Variants in ADIPOR2 observed in about 807,000 individuals in gnomAD.
The protein encoded by ADIPOR2 is adiponectin receptor 2.
ADIPOR2 carries 18 observed loss-of-function variants against 40.9 expected under a neutral mutation model. The observed-to-expected ratio is 0.44, with a 90% confidence interval of 0.30 to 0.65. ADIPOR2 has a LOEUF of 0.65. Ranked by LOEUF, ADIPOR2 falls within the 30% of genes least tolerant of loss-of-function variation. ADIPOR2 has a pLI of 0.09. For missense variants in ADIPOR2, 283 were observed against 479.2 expected (o/e 0.59, Z 3.82); for synonymous variants, 165 against 166.4 (o/e 0.99, Z 0.06).
chr12:1,758,465 A>G (rs547293256), intron 2 of ADIPOR2, among the ~76,000 whole-genome samples: 31 of 152,320 alleles, frequency 2.0e-4, no homozygotes, highest in African/African-American at 7.0e-4. Flanking sequence ...CAGTGAGGAA[A>G]TTGTGTTTTT....
chr12:1,766,527 G>A (rs561177710), intron 2 of ADIPOR2, among the ~76,000 whole-genome samples: 1 of 152,324 alleles, frequency 6.6e-6, no homozygotes, highest in East Asian at 1.9e-4. Context: ...TGTACTGGTT[G>A]AAATGATTAG....
chr12:1,773,768 C>A (rs1862534363), intron 3 of ADIPOR2, among the ~76,000 whole-genome samples: 1 of 152,070 alleles, frequency 6.6e-6, no homozygotes, highest in Non-Finnish European at 1.5e-5. Context: ...CTTTTCATGG[C>A]TTTTATGAAA....
At chr12:1,777,736 T>A in intron 3 of ADIPOR2, 118 bp from the exon 4 acceptor site, 2 of 987,398 alleles carry the variant, frequency 2.0e-6, no homozygotes, top group Non-Finnish European at 2.9e-6. Flanking sequence ...TTTGCCTTTT[T>A]AAAAATGAAT....
intron 1 of ADIPOR2, among the ~76,000 whole-genome samples, chr12:1,752,182 G>GC (rs1481573416): frequency 6.9e-6 from 1 of 145,418 alleles, no homozygotes; most frequent in Non-Finnish European, 1.5e-5. Context: ...GCCCGTCTCG[G>GC]CCCCCCAAAG....
At chr12:1,744,666 A>G (rs11061961) in intron 1 of ADIPOR2, among the ~76,000 whole-genome samples, 6,782 of 152,258 alleles carry the variant, frequency 0.045, 249 homozygotes, top group East Asian at 0.18. Context: ...GGTGCCTTAT[A>G]CTTTCTGGTA....
intron 1 of ADIPOR2, among the ~76,000 whole-genome samples, chr12:1,698,963 T>C (rs1388708648): frequency 6.6e-6 from 1 of 152,226 alleles, no homozygotes; most frequent in African/African-American, 2.4e-5. Flanking sequence ...TAGCATTCTT[T>C]TAAAGTTGAT....
intron 1 of ADIPOR2, among the ~76,000 whole-genome samples, chr12:1,733,013 A>G (rs1234324411): frequency 6.6e-6 from 1 of 152,208 alleles, no homozygotes; most frequent in Non-Finnish European, 1.5e-5. Context: ...GATATGCAGT[A>G]AAGTTTCACA....
chr12:1,781,201 C>A, intron 6 of ADIPOR2, 125 bp downstream of exon 6: 1 of 1,058,600 alleles, frequency 9.4e-7, no homozygotes, highest in Non-Finnish European at 1.3e-6. Context: ...ATGAAGAAAT[C>A]ATAGTTCCTA....
At chr12:1,729,985 G>A (rs151316906) in intron 1 of ADIPOR2, among the ~76,000 whole-genome samples, 1 of 152,110 alleles carries the variant, frequency 6.6e-6, no homozygotes, top group Non-Finnish European at 1.5e-5. Context: ...AAGAACGAAG[G>A]CATACCGGAA....
At chr12:1,728,122 T>G (rs953297193) in intron 1 of ADIPOR2, among the ~76,000 whole-genome samples, 1 of 151,792 alleles carries the variant, frequency 6.6e-6, no homozygotes, top group African/African-American at 2.4e-5. Context: ...TAGATTTTTT[T>G]TTTTTCTGAG....
At chr12:1,749,567 C>T (rs2094764489) in intron 1 of ADIPOR2, among the ~76,000 whole-genome samples, 1 of 152,194 alleles carries the variant, frequency 6.6e-6, no homozygotes, top group South Asian at 2.1e-4. Flanking sequence ...TGTTCTGTTA[C>T]TCTATGTGTG....
chr12:1,740,228 T>C (rs968516703), intron 1 of ADIPOR2, among the ~76,000 whole-genome samples: 1 of 152,272 alleles, frequency 6.6e-6, no homozygotes, highest in Non-Finnish European at 1.5e-5. Flanking sequence ...AGTGATGTGC[T>C]ATTCTATTGA....
intron 1 of ADIPOR2, among the ~76,000 whole-genome samples, chr12:1,718,164 A>T (rs1202684429): frequency 1.3e-5 from 2 of 152,178 alleles, no homozygotes. Flanking sequence ...GCTTAAAAAA[A>T]TTATCCTTCG....
At chr12:1,692,371 A>G (rs529419976) in intron 1 of ADIPOR2, among the ~76,000 whole-genome samples, 1 of 152,302 alleles carries the variant, frequency 6.6e-6, no homozygotes, top group African/African-American at 2.4e-5. Context: ...GTTCTGATAA[A>G]TTTGTTGTCA....
chr12:1,704,202 T>C (rs1371730808), intron 1 of ADIPOR2, among the ~76,000 whole-genome samples: 1 of 152,146 alleles, frequency 6.6e-6, no homozygotes, highest in African/African-American at 2.4e-5. Flanking sequence ...TCATGGTTTC[T>C]TGTTAAGCAC....
rs896998344 is a variant in ADIPOR2 at position 1,786,718 on chromosome 12, T to C, written c.*646T>C. 6.5e-6 allele frequency: 1 copy of C among 152,812 alleles called. No homozygotes were observed. Among genetic ancestry groups the C allele is most frequent in the African/African-American group, 2.4e-5 (1 of 41,562 alleles). The allele number at this position is 152,812 out of a possible 1,614,324, so 9.5% of individuals were successfully genotyped here. A position where few individuals can be genotyped will look rare whatever the true frequency, so the allele number is the denominator to read the frequency against. On this transcript the variant is annotated 3_prime_UTR_variant, in exon 8 of 8. Transcript: ENST00000357103. Reference sequence around the variant, plus strand: ...CAGGTGATAGCCCCGGAATGTACAGTGTCTTGGTGCACCAAGATGCCTTCT... The same window carrying C: ...CAGGTGATAGCCCCGGAATGTACAGCGTCTTGGTGCACCAAGATGCCTTCT...
chr12:1,788,523 C>T lies in ADIPOR2; in HGVS notation c.*2451C>T, dbSNP rs1862886296. The T allele has an allele frequency of 6.6e-6, 1 of 152,616 alleles. No individual in the cohort carries two copies. The highest frequency in any genetic ancestry group is 1.5e-5 in the Non-Finnish European group (1 of 68,038). 9.5% of individuals were successfully genotyped at this position (152,616 alleles called of 1,614,324 possible). A position where few individuals can be genotyped will look rare whatever the true frequency, so the allele number is the denominator to read the frequency against. Reference sequence around the variant, plus strand: ...GGCCTTTTTCAGTATTTTCCCTCTTCCCCTTTATAAATTATGCTAAAGCCA... The same window carrying T: ...GGCCTTTTTCAGTATTTTCCCTCTTTCCCTTTATAAATTATGCTAAAGCCA... On this transcript the variant is annotated 3_prime_UTR_variant, in exon 8 of 8. Coordinates refer to ENST00000357103, the MANE Select transcript of ADIPOR2 (RefSeq NM_024551.3).
intron 1 of ADIPOR2, among the ~76,000 whole-genome samples, chr12:1,703,868 C>T (rs990144346): frequency 6.6e-6 from 1 of 152,046 alleles, no homozygotes; most frequent in Non-Finnish European, 1.5e-5. Context: ...CATGTGCCAC[C>T]ACACATGATT....
intron 1 of ADIPOR2, among the ~76,000 whole-genome samples, chr12:1,745,719 A>G (rs1422321876): frequency 2.6e-5 from 4 of 152,194 alleles, no homozygotes; most frequent in African/African-American, 9.7e-5. Flanking sequence ...AAACTTCACC[A>G]TAAATTTGAT....
Sources: allele counts gnomAD v4.1 joint callset (sites outside exome capture counted in the v4.1 genomes callset), GRCh38; gene constraint gnomAD v4.1.1; transcripts MANE v1.5; gene names NCBI Gene and HGNC (gene_info 2026-07-23, HGNC 2026-07-21).